SYT7: variants seen among roughly 807,000 people sequenced by gnomAD.
SYT7 encodes synaptotagmin 7, also known as synaptotagmin-7.
Under a neutral mutation model 75.1 loss-of-function variants are expected in SYT7, and 29 were observed. The ratio of observed to expected loss-of-function variants is 0.39; its 90% CI spans 0.29 to 0.53. The LOEUF is 0.53. Ranked by LOEUF, SYT7 falls within the 20% of genes least tolerant of loss-of-function variation. SYT7 has a pLI of 0.77. For missense variants in SYT7, 693 were observed against 953.2 expected (o/e 0.73, Z 3.59); for synonymous variants, 376 against 401.7 (o/e 0.94, Z 0.76).
At chr11:61,537,765 C>A (rs371578334) in intron 7 of SYT7, among the ~76,000 whole-genome samples, 3 of 152,156 alleles carry the variant, frequency 2.0e-5, no homozygotes, top group South Asian at 2.1e-4. Context: ...ACATCCCCCC[C>A]GCCCACCAAC....
rs935862276 is a variant in SYT7, at chr11:61,542,888, G to A, written c.573-309C>T. Among the ~76,000 whole-genome samples, 10 of 152,208 alleles carry A rather than the reference G, an allele frequency of 6.6e-5. No individual in the cohort carries two copies. The highest frequency in any genetic ancestry group is 3.9e-4 in the Admixed American group (6 of 15,292). On this transcript the variant is annotated intron_variant, in intron 5 of 12. Coordinates refer to ENST00000539008, the MANE Select transcript of SYT7 (RefSeq NM_001365809.2). The surrounding 1 kb of genome is among the most constrained non-coding windows in gnomAD (Gnocchi z 7.8). ...CTCCCTGCCGGTCTGAGTGGGCTGC[G>A]AGTGCTGCTGAGGCTGCGTGGTGAA...
rs2063356811 is a variant in SYT7 at position 61,551,692 on chromosome 11, T to TTA, written c.136-230_136-229insTA. Among the ~76,000 whole-genome samples, 1 of 152,050 alleles carries TTA rather than the reference T, an allele frequency of 6.6e-6. No individual in the cohort carries two copies. Among genetic ancestry groups the TTA allele is most frequent in the Non-Finnish European group, 1.5e-5 (1 of 67,972 alleles). On this transcript the variant is annotated intron_variant, in intron 2 of 12. Coordinates refer to ENST00000539008, the MANE Select transcript of SYT7 (RefSeq NM_001365809.2). This position sits in a 1 kb window ranked among gnomAD's most constrained non-coding sequence, Gnocchi z 5.3. ...GGCTCTAGGACCTGCCCCACCCACC[T>TTA]CGACCCGAACCTCATCCCTGACTCC...
chr11:61,517,449 G>A lies in SYT7; in HGVS notation c.*1178C>T. 5.0e-6 allele frequency: 2 copies of A among 398,922 alleles called. No homozygotes were observed. Among genetic ancestry groups the A allele is most frequent in the Non-Finnish European group, 8.8e-6 (2 of 226,252 alleles). 24.7% of individuals were successfully genotyped at this position (398,922 alleles called of 1,614,324 possible). ...AGGGTGAGAAGACAGTCCTGGAGAA[G>A]GTCAGGTGATGGACGATCAGAGACC... On this transcript the variant is annotated 3_prime_UTR_variant, in exon 13 of 13. Coordinates refer to ENST00000539008, the MANE Select transcript of SYT7 (RefSeq NM_001365809.2).
chr11:61,586,925 G>A, the SYT7 span, among the ~76,000 whole-genome samples: 2 of 152,090 alleles, frequency 1.3e-5, no homozygotes, highest in Non-Finnish European at 2.9e-5. Flanking sequence ...ATCCCTCTTG[G>A]AACCCACTGA....
intron 1 of SYT7, among the ~76,000 whole-genome samples, chr11:61,578,028 G>A (rs887546030): frequency 8.5e-5 from 13 of 152,222 alleles, no homozygotes; most frequent in African/African-American, 2.9e-4. Context: ...GGAAGAGGCC[G>A]TGAAGTCTGG....
chr11:61,551,580 C>T lies in SYT7; in HGVS notation c.136-117G>A. 6.7e-6 allele frequency: 7 copies of T among 1,047,830 alleles called. No homozygotes were observed. The highest frequency in any genetic ancestry group is 1.0e-5 in the Non-Finnish European group (7 of 700,790). 64.9% of individuals were successfully genotyped at this position (1,047,830 alleles called of 1,614,324 possible). A position where few individuals can be genotyped will look rare whatever the true frequency, so the allele number is the denominator to read the frequency against. ...CTGGAGTCGGGCCGTGGCAACAAGG[C>T]CAGGACCAGTGTGCGAGGCTGTCAC... On this transcript the variant is annotated intron_variant, in intron 2 of 12. Transcript: ENST00000539008. The surrounding 1 kb of genome is among the most constrained non-coding windows in gnomAD (Gnocchi z 5.3).
At chr11:61,566,213 G>C (rs1416488786) in intron 1 of SYT7, among the ~76,000 whole-genome samples, 4 of 152,216 alleles carry the variant, frequency 2.6e-5, no homozygotes, top group Non-Finnish European at 4.4e-5. Context: ...AGTTTACTGA[G>C]GGTTTCACAT....
Position 61,528,156 on chromosome 11 carries a change from G to A in SYT7, c.1230C>T (p.Ala410=). 2 of 1,612,550 alleles carry A rather than the reference G, an allele frequency of 1.2e-6. No individual in the cohort carries two copies. The highest frequency in any genetic ancestry group is 1.7e-6 in the Non-Finnish European group (2 of 1,179,984). The stretch of plus-strand genomic sequence containing the variant: ...GGTTCTCTCGGCTGCAACCCTCGTG[G>A]GCCTCATCCTCCTCGGAGCCTGGGG... The part of the protein sequence containing the change: ...MLSPGSEEDE[A]HEGCSRENLG... The change falls in exon 9 of 13, where the codon GCC becomes GCT. Residue 410 remains alanine (A), a synonymous_variant. Coordinates refer to ENST00000539008, the MANE Select transcript of SYT7 (RefSeq NM_001365809.2).
chr11:61,565,913 G>A (rs368288168), intron 1 of SYT7, among the ~76,000 whole-genome samples: 14 of 152,406 alleles, frequency 9.2e-5, no homozygotes, highest in African/African-American at 2.4e-4. Flanking sequence ...GGCTGGGGCC[G>A]CAGAGGCCGG....
chr11:61,538,253 C>T lies in SYT7; in HGVS notation c.955G>A (p.Val319Met), dbSNP rs1374928878. ...DMKSFLEGRM[V>M]VLSLVLGLSE... ...AGCCCTAAGACCAAGGATAGCACCACCATCCGGCCTTCCCTGCCCGGGGAG... is the reference window on the plus strand; with the variant it reads ...AGCCCTAAGACCAAGGATAGCACCATCATCCGGCCTTCCCTGCCCGGGGAG... The change falls in exon 7 of 13, where the codon GTG becomes ATG. Residue 319 changes from valine to methionine, a missense_variant. Around this residue, in one of 2 missense-constraint regions of SYT7, gnomAD observed 487 missense variants for 593.2 expected, o/e 0.82. Transcript: ENST00000539008. 8 of 1,535,394 alleles carry T rather than the reference C, an allele frequency of 5.2e-6. No individual in the cohort carries two copies. Among genetic ancestry groups the T allele is most frequent in the Non-Finnish European group, 7.0e-6 (8 of 1,146,630 alleles).
At chr11:61,566,073 C>T (rs965037278) in intron 1 of SYT7, among the ~76,000 whole-genome samples, 6 of 152,250 alleles carry the variant, frequency 3.9e-5, no homozygotes, top group African/African-American at 1.2e-4. Context: ...CATCAGAGAG[C>T]GAGACCTGGT....
chr11:61,550,987 C>T (rs1299807882), intron 3 of SYT7, among the ~76,000 whole-genome samples: 1 of 152,142 alleles, frequency 6.6e-6, no homozygotes, highest in Non-Finnish European at 1.5e-5. Context: ...AAGCTGGGGC[C>T]CACTAGGGAG....
At position 61,542,227 on chromosome 11, in the gene SYT7, C is replaced by G; in HGVS notation, c.925G>C (p.Asp309His). The G allele has an allele frequency of 6.5e-7, 1 of 1,534,676 alleles. No homozygotes were observed. Among genetic ancestry groups the G allele is most frequent in the Non-Finnish European group, 8.7e-7 (1 of 1,146,230 alleles). Residue 309 changes from aspartate to histidine, a missense_variant, in exon 6 of 13, where the codon GAC (aspartate) becomes CAC (histidine). Coordinates refer to ENST00000539008, the MANE Select transcript of SYT7 (RefSeq NM_001365809.2). The surrounding 1 kb of genome is among the most constrained non-coding windows in gnomAD (Gnocchi z 7.8). ...VVGQIRNRGL[D>H]MKSFLEGRMV... ...AGGACTTACAGGAAGGATTTCATGT[C>G]CAAGCCTCGGTTTCGAATCTGCCCC...
intron 8 of SYT7, chr11:61,530,795 C>T: frequency 1.0e-6 from 1 of 985,292 alleles, no homozygotes; most frequent in Non-Finnish European, 1.2e-6. Context: ...AGCTCTATGC[C>T]CACTCCCAGC....
chr11:61,547,430 G>T, intron 3 of SYT7, 122 bp from the exon 4 acceptor site: 1 of 1,150,754 alleles, frequency 8.7e-7, no homozygotes, highest in Non-Finnish European at 1.2e-6. Context: ...GCGGGGCTTC[G>T]TGGGTCAGCT....
At chr11:61,547,514 A>G (rs2063227219) in intron 3 of SYT7, among the ~76,000 whole-genome samples, 1 of 152,148 alleles carries the variant, frequency 6.6e-6, no homozygotes, top group African/African-American at 2.4e-5. Flanking sequence ...GCACACGCAC[A>G]CATGTGCAAA....
chr11:61,565,751 G>A (rs569573943), intron 1 of SYT7, among the ~76,000 whole-genome samples: 2 of 152,362 alleles, frequency 1.3e-5, no homozygotes, highest in Admixed American at 6.5e-5. Flanking sequence ...TTCACCCAGG[G>A]TGGGAACTAG....
intron 1 of SYT7, among the ~76,000 whole-genome samples, chr11:61,578,109 G>A (rs572815753): frequency 1.2e-4 from 19 of 152,286 alleles, no homozygotes; most frequent in African/African-American, 4.3e-4. Flanking sequence ...GAGCCTGGGT[G>A]TGCATGGGAG....
chr11:61,524,262 AC>A lies in SYT7; in HGVS notation c.1641+100del, dbSNP rs1346247346. 1 of 1,432,000 alleles carries A rather than the reference AC, an allele frequency of 7.0e-7. No individual in the cohort carries two copies. Among genetic ancestry groups the A allele is most frequent in the Non-Finnish European group, 9.5e-7 (1 of 1,055,476 alleles). The allele number at this position is 1,432,000 out of a possible 1,614,324, so 88.7% of individuals were successfully genotyped here. Reference sequence around the variant, plus strand: ...GGTCCACCCATCTGCACCCTCTCCCACAGCCCTCCTGGCCTTCCTAAGGTTG... The same window carrying A: ...GGTCCACCCATCTGCACCCTCTCCCAAGCCCTCCTGGCCTTCCTAAGGTTG... On this transcript the variant is annotated intron_variant, in intron 10 of 12. Coordinates refer to ENST00000539008, the MANE Select transcript of SYT7 (RefSeq NM_001365809.2). The surrounding 1 kb of genome is among the most constrained non-coding windows in gnomAD (Gnocchi z 4.1).
Sources: allele counts gnomAD v4.1 joint callset (sites outside exome capture counted in the v4.1 genomes callset), GRCh38; gene constraint gnomAD v4.1.1; regional missense constraint gnomAD v4.1.1; non-coding constraint Gnocchi (gnomAD v3.1); transcripts MANE v1.5; gene names NCBI Gene and HGNC (gene_info 2026-07-23, HGNC 2026-07-21).